Variants in UNC13C observed in about 807,000 individuals in gnomAD.
UNC13C encodes the protein protein unc-13 homolog C.
UNC13C carries 174 observed loss-of-function variants against 245.4 expected under a neutral mutation model. The observed-to-expected ratio is 0.71, with a 90% CI of 0.63 to 0.80. The LOEUF (loss-of-function observed/expected upper bound fraction) is 0.80, where lower values mean the gene tolerates loss of function less well. Among genes scored for constraint, UNC13C ranks in the 30% least tolerant of loss-of-function variants. UNC13C has a pLI of 0.00. For missense variants in UNC13C, 2,829 were observed against 2,602.9 expected, an observed-to-expected ratio of 1.09 and a Z score of -1.89; for synonymous variants, 992 against 895.1, an observed-to-expected ratio of 1.11 and a Z score of -1.93.
chr15:54,175,561 G>A (rs2033581447), intron 4 of UNC13C, among the ~76,000 whole-genome samples: 1 of 141,594 alleles, frequency 7.1e-6, no homozygotes, highest in Admixed American at 7.4e-5. Context: ...AGCCCAGGCT[G>A]GAGCGTAGTG....
Position 54,623,967 on chromosome 15 carries a change from C to T in UNC13C, c.6359+13C>T. ...AAACATTTCAGTTGTAAGTCATAAA[C>T]CCACCTTACTTATTCTACCAGGCAA... On this transcript the variant is annotated intron_variant, in intron 32 of 32. Coordinates refer to ENST00000260323, the MANE Select transcript of UNC13C (RefSeq NM_001080534.3). 11 of 1,612,606 alleles carry T rather than the reference C, an allele frequency of 6.8e-6. No individual in the cohort carries two copies. Among genetic ancestry groups the T allele is most frequent in the Non-Finnish European group, 9.3e-6 (11 of 1,179,012 alleles).
chr15:53,985,688 C>T (rs764212695), intron 1 of UNC13C, among the ~76,000 whole-genome samples: 12 of 152,032 alleles, frequency 7.9e-5, no homozygotes, highest in Middle Eastern at 3.4e-3. Flanking sequence ...TGGTGGAAGA[C>T]GGATTTTTAT....
chr15:54,612,245 G>T (rs1013449308), intron 30 of UNC13C, among the ~76,000 whole-genome samples: 2 of 150,820 alleles, frequency 1.3e-5, no homozygotes, highest in African/African-American at 4.9e-5. Flanking sequence ...TTAGGTGGTT[G>T]TATTTGTTTA....
At chr15:54,451,027 T>C (rs1891143888) in intron 19 of UNC13C, among the ~76,000 whole-genome samples, 1 of 152,168 alleles carries the variant, frequency 6.6e-6, no homozygotes, top group Non-Finnish European at 1.5e-5. Context: ...GTGGATACTT[T>C]CTTTTTCTTT....
chr15:54,514,837 T>G (rs1894900040), intron 24 of UNC13C, among the ~76,000 whole-genome samples: 1 of 152,208 alleles, frequency 6.6e-6, no homozygotes, highest in Non-Finnish European at 1.5e-5. Context: ...CGTGGGATTA[T>G]GTTGTTGACA....
intron 13 of UNC13C, among the ~76,000 whole-genome samples, chr15:54,319,451 T>A (rs982183077): frequency 6.6e-6 from 1 of 151,940 alleles, no homozygotes; most frequent in East Asian, 1.9e-4. Flanking sequence ...ACACTTATCA[T>A]TTCCTTAAAG....
chr15:54,038,719 A>G (rs1485520904), intron 2 of UNC13C, among the ~76,000 whole-genome samples: 1 of 152,224 alleles, frequency 6.6e-6, no homozygotes, highest in Non-Finnish European at 1.5e-5. Context: ...GAAACCTAAC[A>G]GTTCTCTTTG....
At chr15:54,356,215 T>A (rs535894242) in intron 17 of UNC13C, among the ~76,000 whole-genome samples, 1 of 152,310 alleles carries the variant, frequency 6.6e-6, no homozygotes, top group South Asian at 2.1e-4. Context: ...TTGTAACTCA[T>A]AAAAGTATGT....
chr15:54,301,309 T>C (rs944523009), intron 13 of UNC13C, among the ~76,000 whole-genome samples: 10 of 148,696 alleles, frequency 6.7e-5, no homozygotes, highest in Non-Finnish European at 1.3e-4. Flanking sequence ...TTTTTTTGAA[T>C]GTAAGTTCTG....
chr15:54,208,349 C>T (rs1273912093), intron 4 of UNC13C, among the ~76,000 whole-genome samples: 1 of 152,062 alleles, frequency 6.6e-6, no homozygotes, highest in East Asian at 1.9e-4. Context: ...AATAGCCAAA[C>T]CATAGCATGA....
intron 19 of UNC13C, among the ~76,000 whole-genome samples, chr15:54,431,428 T>C (rs1341331047): frequency 1.3e-5 from 2 of 151,648 alleles, no homozygotes; most frequent in Admixed American, 6.6e-5. Flanking sequence ...TAATAGGGTA[T>C]CTAATATGCA....
chr15:54,107,956 T>C (rs1397311698), intron 2 of UNC13C, among the ~76,000 whole-genome samples: 1 of 152,154 alleles, frequency 6.6e-6, no homozygotes, highest in Non-Finnish European at 1.5e-5. Context: ...TGAAAACTGG[T>C]ATGAGCAAAG....
chr15:54,560,021 G>T (rs918767293), intron 29 of UNC13C, among the ~76,000 whole-genome samples: 1 of 151,898 alleles, frequency 6.6e-6, no homozygotes, highest in Non-Finnish European at 1.5e-5. Context: ...TCCAGTTGTG[G>T]TAGAAAATAA....
At chr15:54,322,495 C>G (rs2038189350) in intron 14 of UNC13C, among the ~76,000 whole-genome samples, 1 of 152,018 alleles carries the variant, frequency 6.6e-6, no homozygotes, top group Non-Finnish European at 1.5e-5. Flanking sequence ...TCCATTTGCA[C>G]TTCCTATTGG....
At chr15:54,059,662 A>C (rs1409268777) in intron 2 of UNC13C, among the ~76,000 whole-genome samples, 1 of 152,218 alleles carries the variant, frequency 6.6e-6, no homozygotes, top group Non-Finnish European at 1.5e-5. Flanking sequence ...TTGCCAAGTC[A>C]ATCCTAAGCC....
intron 2 of UNC13C, among the ~76,000 whole-genome samples, chr15:54,043,085 A>G (rs1595758019): frequency 6.6e-6 from 1 of 152,132 alleles, no homozygotes; most frequent in African/African-American, 2.4e-5. Flanking sequence ...GGACTCTACT[A>G]AAATAAGCTT....
At chr15:54,403,312 G>C (rs111640718) in intron 18 of UNC13C, among the ~76,000 whole-genome samples, 2 of 152,128 alleles carry the variant, frequency 1.3e-5, no homozygotes, top group Admixed American at 1.3e-4. Flanking sequence ...AGGATGAGGC[G>C]GGTGGGTCTC....
chr15:54,380,197 G>A (rs1303634483), intron 17 of UNC13C, among the ~76,000 whole-genome samples: 1 of 146,748 alleles, frequency 6.8e-6, no homozygotes, highest in Non-Finnish European at 1.5e-5. Context: ...CTACTTCTAT[G>A]AGATCAACTT....
intron 18 of UNC13C, among the ~76,000 whole-genome samples, chr15:54,413,376 A>G (rs1187151000): frequency 2.0e-5 from 3 of 152,130 alleles, no homozygotes; most frequent in African/African-American, 7.2e-5. Context: ...CTCTTATTAT[A>G]TCACTTATAA....
Sources: gnomAD v4.1 joint callset for allele counts (sites outside exome capture counted in the v4.1 genomes callset) on GRCh38, gnomAD v4.1.1 for gene constraint, MANE v1.5 for transcripts, NCBI Gene and HGNC (gene_info 2026-07-23, HGNC 2026-07-21) for gene names.